The following AK5 variants were observed in gnomAD, a reference collection of about 807,000 sequenced individuals.
AK5 encodes the protein adenylate kinase isoenzyme 5.
In AK5, 27 loss-of-function variants were observed where a neutral mutation model predicts 69.5. The ratio of observed to expected loss-of-function variants is 0.39; its 90% CI spans 0.29 to 0.54. The LOEUF is 0.54. Ranked by LOEUF, AK5 falls within the 20% of genes least tolerant of loss-of-function variation. The pLI is 0.71. For missense variants in AK5, 531 were observed against 700.4 expected, an observed-to-expected ratio of 0.76 and a Z score of 2.73; for synonymous variants, 260 against 244.4, an observed-to-expected ratio of 1.06 and a Z score of -0.60.
In AK5 at chr1:77,559,545, GT is replaced by G. The variant is rs1660328381; in HGVS notation, c.*876del. On this transcript the variant is annotated 3_prime_UTR_variant, in exon 14 of 14. Coordinates refer to ENST00000354567, the MANE Select transcript of AK5 (RefSeq NM_174858.3). ...ATTTTGATTTTAAATGGTCACCCAT[GT>G]ATTTATTTGTTGCCAAGCAAGTAAA... The G allele has an allele frequency of 6.6e-6, 1 of 151,456 alleles. No homozygotes were observed. The allele number at this position is 151,456 out of a possible 1,614,324, so 9.4% of individuals were successfully genotyped here.
At chr1:77,458,826 C>A (rs1653656393) in intron 8 of AK5, among the ~76,000 whole-genome samples, 1 of 152,182 alleles carries the variant, frequency 6.6e-6, no homozygotes, top group African/African-American at 2.4e-5. Flanking sequence ...TTCACAGCTT[C>A]TGGGGATTAA....
chr1:77,349,651 AG>A (rs1238152656), intron 6 of AK5: 1 of 152,250 alleles, frequency 6.6e-6, no homozygotes, highest in Non-Finnish European at 1.5e-5. Flanking sequence ...AAGTTTTAAA[AG>A]TAATTTTTGC....
At chr1:77,436,700 GATT>G (rs1651983384) in intron 8 of AK5, among the ~76,000 whole-genome samples, 3 of 151,736 alleles carry the variant, frequency 2.0e-5, no homozygotes, top group African/African-American at 4.8e-5. Context: ...ATTTATAAAT[GATT>G]ATACCATTTA....
intron 2 of AK5, among the ~76,000 whole-genome samples, chr1:77,288,290 A>G (rs947858396): frequency 3.3e-5 from 5 of 152,238 alleles, no homozygotes; most frequent in African/African-American, 1.2e-4. Flanking sequence ...TTTGAGACGT[A>G]TAATAGTATG....
chr1:77,371,798 T>A (rs1192482541), intron 6 of AK5, among the ~76,000 whole-genome samples: 1 of 152,154 alleles, frequency 6.6e-6, no homozygotes. Context: ...GACTAAAGAA[T>A]AATGGAGGGA....
At chr1:77,305,725 C>T (rs374924491) in intron 5 of AK5, among the ~76,000 whole-genome samples, 48 of 152,160 alleles carry the variant, frequency 3.2e-4, no homozygotes, top group African/African-American at 5.8e-4. Flanking sequence ...GCCAGTACCA[C>T]GCTGTTTTGG....
chr1:77,512,414 C>T (rs192484894), intron 10 of AK5, among the ~76,000 whole-genome samples: 16 of 152,302 alleles, frequency 1.1e-4, no homozygotes, highest in African/African-American at 3.8e-4. Context: ...TCAGGAAGAG[C>T]TATAGAGGTG....
intron 8 of AK5, among the ~76,000 whole-genome samples, chr1:77,447,506 T>C (rs1652826406): frequency 6.6e-6 from 1 of 152,230 alleles, no homozygotes; most frequent in South Asian, 2.1e-4. Context: ...GGATATACTC[T>C]AGGGTTAGAA....
At chr1:77,371,918 T>A (rs1433476474) in intron 6 of AK5, among the ~76,000 whole-genome samples, 2 of 152,192 alleles carry the variant, frequency 1.3e-5, no homozygotes, top group African/African-American at 2.4e-5. Flanking sequence ...ATTTGATTGG[T>A]CAAACTGCTT....
At chr1:77,437,331 AGAC>A (rs1223421444) in intron 8 of AK5, among the ~76,000 whole-genome samples, 11 of 152,166 alleles carry the variant, frequency 7.2e-5, no homozygotes, top group African/African-American at 2.7e-4. Context: ...AAAAACATAC[AGAC>A]AACATGAATA....
chr1:77,525,986 A>C (rs974511737), intron 12 of AK5, among the ~76,000 whole-genome samples: 1 of 152,132 alleles, frequency 6.6e-6, no homozygotes, highest in African/African-American at 2.4e-5. Flanking sequence ...TGGAAAAAAA[A>C]ATTAGGATTT....
At chr1:77,537,378 T>C (rs1009625408) in intron 13 of AK5, among the ~76,000 whole-genome samples, 11 of 152,046 alleles carry the variant, frequency 7.2e-5, no homozygotes, top group Non-Finnish European at 1.5e-5. Flanking sequence ...ATGGATCATA[T>C]GTAGGAGCAA....
intron 6 of AK5, among the ~76,000 whole-genome samples, chr1:77,389,160 AGGCTGCCTTTCTGAT>A (rs1482667543): frequency 1.3e-5 from 2 of 152,230 alleles, no homozygotes; most frequent in African/African-American, 4.8e-5. Context: ...GGATATCCCA[AGGCTGCCTTTCTGAT>A]GTCTCCAGAG....
intron 2 of AK5, among the ~76,000 whole-genome samples, chr1:77,288,782 T>C (rs941226947): frequency 6.6e-6 from 1 of 152,062 alleles, no homozygotes; most frequent in Non-Finnish European, 1.5e-5. Flanking sequence ...AAATAGAAAA[T>C]TTTTGATGTG....
intron 8 of AK5, among the ~76,000 whole-genome samples, chr1:77,431,193 A>G (rs1651616213): frequency 6.6e-6 from 1 of 152,240 alleles, no homozygotes; most frequent in South Asian, 2.1e-4. Flanking sequence ...ACTGTTGTGA[A>G]ATCTAGCAGG....
Position 77,486,489 on chromosome 1 carries a change from A to C in AK5, c.1147+137A>C. On this transcript the variant is annotated intron_variant, in intron 10 of 13. Coordinates refer to ENST00000354567, the MANE Select transcript of AK5 (RefSeq NM_174858.3). ...GGCGGGCAGATCACGAGGTCAGGAG[A>C]TCGAGACCATCCTGGCTAACACAGT... is the stretch of plus-strand genomic sequence containing the variant. 3 of 521,578 alleles carry C rather than the reference A, an allele frequency of 5.8e-6. No individual in the cohort carries two copies. In the South Asian group the frequency reaches 6.0e-5, roughly 11 times the overall value. The allele number at this position is 521,578 out of a possible 1,614,324, so 32.3% of individuals were successfully genotyped here. A position where few individuals can be genotyped will look rare whatever the true frequency, so the allele number is the denominator to read the frequency against.
chr1:77,544,803 CTG>C (rs1442695449), intron 13 of AK5, among the ~76,000 whole-genome samples: 2 of 152,106 alleles, frequency 1.3e-5, no homozygotes, highest in African/African-American at 4.8e-5. Context: ...AAAATGCACT[CTG>C]AAATAATAAT....
intron 6 of AK5, among the ~76,000 whole-genome samples, chr1:77,360,353 T>C (rs1383799832): frequency 6.6e-6 from 1 of 152,196 alleles, no homozygotes; most frequent in African/African-American, 2.4e-5. Context: ...CAAAGTTGCT[T>C]CTCTGAGAAG....
chr1:77,522,984 G>T, intron 12 of AK5, among the ~76,000 whole-genome samples: 1 of 152,058 alleles, frequency 6.6e-6, no homozygotes, highest in South Asian at 2.1e-4. Context: ...ACTTCCCCAT[G>T]GCCACACAGC....
Sources: gnomAD v4.1 joint callset for allele counts (sites outside exome capture counted in the v4.1 genomes callset) on GRCh38, gnomAD v4.1.1 for gene constraint, MANE v1.5 for transcripts, NCBI Gene and HGNC (gene_info 2026-07-23, HGNC 2026-07-21) for gene names.